Variants in AGAP1 observed in about 807,000 individuals in gnomAD.
AGAP1 encodes ArfGAP with GTPase domain, ankyrin repeat and PH domain 1.
AGAP1 carries 29 observed loss-of-function variants against 105.3 expected under a neutral mutation model. The ratio of observed to expected loss-of-function variants is 0.28; its 90% confidence interval spans 0.21 to 0.38. The LOEUF (loss-of-function observed/expected upper bound fraction) is 0.38. Ranked by LOEUF, AGAP1 falls within the 10% of genes least tolerant of loss-of-function variation. The probability of loss-of-function intolerance (pLI) is 1.00; values close to 1 mark genes in which losing one functional copy is unlikely to be tolerated. For missense variants in AGAP1, 998 were observed against 1,165.1 expected, an observed-to-expected ratio of 0.86 and a Z score of 2.09; for synonymous variants, 509 against 485.9, an observed-to-expected ratio of 1.05 and a Z score of -0.63.
rs2054304907 is a variant in AGAP1, at chr2:235,964,354, G to C, written c.1484-4108G>C. ...TGCCTGTTCTGCTTATCTCCCTGCA[G>C]GACTAGGGTTGAGCTCTCTGAGGGC... On this transcript the variant is annotated intron_variant, in intron 12 of 17. Transcript: ENST00000304032. This position sits in a 1 kb window ranked among gnomAD's most constrained non-coding sequence, Gnocchi z 4.6. Among the ~76,000 whole-genome samples the C allele has an allele frequency of 6.6e-6, 1 of 152,134 alleles. No homozygotes were observed. The highest frequency in any genetic ancestry group is 1.5e-5 in the Non-Finnish European group (1 of 68,026).
intron 16 of AGAP1, among the ~76,000 whole-genome samples, chr2:236,068,852 G>A (rs1425609070): frequency 2.0e-5 from 3 of 147,856 alleles, no homozygotes; most frequent in African/African-American, 7.5e-5. Context: ...ATGTAGGCTA[G>A]GCATGGTGGT....
At position 236,082,433 on chromosome 2, in the gene AGAP1, A is replaced by G. The variant is rs1001996776; in HGVS notation, c.2114+33152A>G. On this transcript the variant is annotated intron_variant, in intron 16 of 17. Transcript: ENST00000304032. This position sits in a 1 kb window ranked among gnomAD's most constrained non-coding sequence, Gnocchi z 4.2. The stretch of plus-strand genomic sequence containing the variant: ...GGGAGCTCACCCACCAGGTCCTGCT[A>G]CGGGGCCGCTGCCCATTTGATCTCT... 2.0e-5 allele frequency among the ~76,000 whole-genome samples: 3 copies of G among 152,336 alleles called. No individual in the cohort carries two copies. The South Asian group carries it at 6.2e-4, about 32-fold the overall frequency.
chr2:235,651,084 G>C (rs181686082), intron 1 of AGAP1, among the ~76,000 whole-genome samples: 1 of 150,124 alleles, frequency 6.7e-6, no homozygotes, highest in East Asian at 2.0e-4. Flanking sequence ...AGGAGGCTGA[G>C]GTGGGACAAT....
Position 235,908,954 on chromosome 2 carries a change from G to T in AGAP1, c.1324+48G>T. On this transcript the variant is annotated intron_variant, in intron 11 of 17. Coordinates refer to ENST00000304032, the MANE Select transcript of AGAP1 (RefSeq NM_001037131.3). This position sits in a 1 kb window ranked among gnomAD's most constrained non-coding sequence, Gnocchi z 4.4. ...AACAAATCAAGTTCAACAGCAACAG[G>T]TGGTCCAGGCTCGAGGATAATGTTG... 1.3e-6 allele frequency: 2 copies of T among 1,572,616 alleles called. No homozygotes were observed. The highest frequency in any genetic ancestry group is 3.4e-5 in the Admixed American group (2 of 58,826).
At chr2:235,929,848 C>T (rs1247013984) in intron 11 of AGAP1, among the ~76,000 whole-genome samples, 4 of 152,292 alleles carry the variant, frequency 2.6e-5, no homozygotes, top group Admixed American at 6.5e-5. Flanking sequence ...ATATGGGCTG[C>T]GTATTTATTA....
At chr2:235,536,627 TCACACACACA>T (rs370173877) in intron 1 of AGAP1, among the ~76,000 whole-genome samples, 4,166 of 108,252 alleles carry the variant, frequency 0.038, 100 homozygotes, top group African/African-American at 0.059. Context: ...GTCGCATCCT[TCACACACACA>T]CACACACACA....
chr2:236,049,529 T>C (rs2057830367), intron 16 of AGAP1: 1 of 434,742 alleles, frequency 2.3e-6, no homozygotes, highest in African/African-American at 2.0e-5. Flanking sequence ...CTTAGAAATG[T>C]ATTAAGCTTC....
chr2:235,838,402 G>C (rs1222990217), intron 9 of AGAP1, among the ~76,000 whole-genome samples: 1 of 152,184 alleles, frequency 6.6e-6, no homozygotes, highest in Non-Finnish European at 1.5e-5. Flanking sequence ...TCATATGGTA[G>C]GAGGAAGAAG....
Position 236,064,022 on chromosome 2 carries a change from C to A in AGAP1, c.2114+14741C>A, listed in dbSNP as rs1294593826. Among the ~76,000 whole-genome samples the A allele has an allele frequency of 2.6e-5, 4 of 152,124 alleles. No homozygotes were observed. In the East Asian group the frequency reaches 7.7e-4, roughly 29 times the overall value. On this transcript the variant is annotated intron_variant, in intron 16 of 17. Transcript: ENST00000304032. ...TTACCTATAAGTCTCTCCTCAAGGA[C>A]CTCGAAGAGCTGCCACAATGTCTTC...
At position 235,736,972 on chromosome 2, in the gene AGAP1, G is replaced by A. The variant is rs181890206; in HGVS notation, c.311-3991G>A. On this transcript the variant is annotated intron_variant, in intron 3 of 17. Coordinates refer to ENST00000304032, the MANE Select transcript of AGAP1 (RefSeq NM_001037131.3). This position sits in a 1 kb window ranked among gnomAD's most constrained non-coding sequence, Gnocchi z 5.5. ...TGCAGAGTACCAGCTTGTTGCCAAC[G>A]ATGCTGTCATCCTAAGGCTCTCCTT... Among the ~76,000 whole-genome samples the A allele has an allele frequency of 5.3e-5, 8 of 152,176 alleles. No individual in the cohort carries two copies. Among genetic ancestry groups the A allele is most frequent in the Admixed American group, 2.6e-4 (4 of 15,282 alleles).
chr2:235,496,590 A>G (rs1310120802), intron 1 of AGAP1, among the ~76,000 whole-genome samples: 1 of 152,154 alleles, frequency 6.6e-6, no homozygotes, highest in African/African-American at 2.4e-5. Flanking sequence ...TATTGAAGGC[A>G]CCTGGCTGAG....
chr2:235,745,538 A>G (rs1473988648), intron 5 of AGAP1, among the ~76,000 whole-genome samples: 1 of 152,252 alleles, frequency 6.6e-6, no homozygotes, highest in Non-Finnish European at 1.5e-5. Flanking sequence ...AGTCAGATGG[A>G]GGTTAGCTTT....
chr2:236,057,951 C>T (rs1316743017), intron 16 of AGAP1, among the ~76,000 whole-genome samples: 2 of 152,108 alleles, frequency 1.3e-5, no homozygotes, highest in African/African-American at 4.8e-5. Context: ...CATGCCCTCC[C>T]CGGGGGTTGT....
At chr2:235,816,674 TG>T (rs1958475437) in intron 9 of AGAP1, among the ~76,000 whole-genome samples, 1 of 152,082 alleles carries the variant, frequency 6.6e-6, no homozygotes, top group Admixed American at 6.6e-5. Flanking sequence ...GTGGATCACC[TG>T]AGGCCAGGAG....
intron 1 of AGAP1, among the ~76,000 whole-genome samples, chr2:235,605,015 GCC>G (rs1945880087): frequency 6.6e-6 from 1 of 151,818 alleles, no homozygotes; most frequent in South Asian, 2.1e-4. Context: ...CAAGTAGCTG[GCC>G]ACAGGCGTGC....
In AGAP1 at chr2:235,904,623, C is replaced by T. The variant is rs971339179; in HGVS notation, c.1156-4115C>T. Among the ~76,000 whole-genome samples, 5 of 152,214 alleles carry T rather than the reference C, an allele frequency of 3.3e-5. No homozygotes were observed. Among genetic ancestry groups the T allele is most frequent in the Admixed American group, 2.6e-4 (4 of 15,284 alleles). On this transcript the variant is annotated intron_variant, in intron 10 of 17. Transcript: ENST00000304032. This position sits in a 1 kb window ranked among gnomAD's most constrained non-coding sequence, Gnocchi z 4.2. ...ATCTGTAACATTTGCATATCAAAAT[C>T]AAGCTTCCTGTCTTAATTTTACCGA...
rs144051987 is a variant in AGAP1, at chr2:235,537,282, G to A, written c.163+42433G>A. 1.7e-4 allele frequency among the ~76,000 whole-genome samples: 26 copies of A among 152,348 alleles called. No homozygotes were observed. In the South Asian group the frequency reaches 1.9e-3, roughly 11 times the overall value. On this transcript the variant is annotated intron_variant, in intron 1 of 17. Coordinates refer to ENST00000304032, the MANE Select transcript of AGAP1 (RefSeq NM_001037131.3). ...GAGCCTGGCCGGGAAGGTGGCATCC[G>A]CTGCAGGCCCAGGTGGGGAGATGGT...
In AGAP1 at chr2:235,788,963, C is replaced by T. The variant is rs1284982736; in HGVS notation, c.674-8796C>T. 6.6e-6 allele frequency among the ~76,000 whole-genome samples: 1 copy of T among 152,196 alleles called. No homozygotes were observed. The highest frequency in any genetic ancestry group is 1.9e-4 in the East Asian group (1 of 5,184). On this transcript the variant is annotated intron_variant, in intron 6 of 17. Transcript: ENST00000304032. The surrounding 1 kb of genome is among the most constrained non-coding windows in gnomAD (Gnocchi z 6.0). ...TCAGCTCCCTGGCCCCTGCTGCCCT[C>T]TAGCCCAGGGTGACTATGGGAACAG...
chr2:236,066,832 A>G (rs769149386), intron 16 of AGAP1, among the ~76,000 whole-genome samples: 5 of 152,174 alleles, frequency 3.3e-5, no homozygotes, highest in East Asian at 1.9e-4. Context: ...AGAAGCAGCC[A>G]TGAATCTGAC....
Sources: gnomAD v4.1 joint callset for allele counts (sites outside exome capture counted in the v4.1 genomes callset) on GRCh38, gnomAD v4.1.1 for gene constraint, Gnocchi (gnomAD v3.1) non-coding constraint, MANE v1.5 for transcripts, NCBI Gene and HGNC (gene_info 2026-07-23, HGNC 2026-07-21) for gene names.